Variants in FGGY observed in about 807,000 individuals in gnomAD.
FGGY encodes FGGY carbohydrate kinase domain containing, also known as FGGY carbohydrate kinase domain-containing protein.
A neutral mutation model predicts 71.3 loss-of-function variants in FGGY; 72 were observed. The ratio of observed to expected loss-of-function variants is 1.01; its 90% CI spans 0.84 to 1.23. The LOEUF is 1.23. Ranked by LOEUF, FGGY falls within the 50% of genes most tolerant of loss-of-function variation. The pLI is 0.00. For missense variants in FGGY, 668 were observed against 682.3 expected (o/e 0.98, Z 0.23); for synonymous variants, 251 against 250.3 (o/e 1.00, Z -0.02).
At chr1:59,379,811 T>C (rs2059163099) in intron 5 of FGGY, among the ~76,000 whole-genome samples, 1 of 152,140 alleles carries the variant, frequency 6.6e-6, no homozygotes, top group Non-Finnish European at 1.5e-5. Context: ...TCTTTTTTTT[T>C]CATTATACTT....
At chr1:59,584,612 G>C (rs1473108567) in intron 8 of FGGY, among the ~76,000 whole-genome samples, 4 of 149,944 alleles carry the variant, frequency 2.7e-5, no homozygotes, top group South Asian at 2.1e-4. Context: ...ACTGGCACAA[G>C]ACAAGGATGC....
intron 5 of FGGY, among the ~76,000 whole-genome samples, chr1:59,434,823 G>C (rs2068081060): frequency 6.6e-6 from 1 of 152,110 alleles, no homozygotes; most frequent in African/African-American, 2.4e-5. Flanking sequence ...TGAGGATTAG[G>C]TTTCAACACA....
chr1:59,749,286 T>G (rs556874924), intron 14 of FGGY, among the ~76,000 whole-genome samples: 1 of 151,734 alleles, frequency 6.6e-6, no homozygotes, highest in East Asian at 1.9e-4. Context: ...GGGGGTGGAG[T>G]TTGTGGAAAC....
intron 3 of FGGY, 58 bp downstream of exon 3, chr1:59,340,127 G>A (rs2050369065): frequency 8.2e-7 from 1 of 1,216,186 alleles, no homozygotes; most frequent in Non-Finnish European, 1.2e-6. Flanking sequence ...TTAATCCAAT[G>A]GGCCCAGGTG....
chr1:59,506,163 T>C (rs2153618098), intron 6 of FGGY, among the ~76,000 whole-genome samples: 1 of 152,274 alleles, frequency 6.6e-6, no homozygotes, highest in Admixed American at 6.5e-5. Flanking sequence ...TTCTCCTTTA[T>C]TTTGTTTTTA....
At chr1:59,702,443 T>C (rs1352257132) in intron 14 of FGGY, among the ~76,000 whole-genome samples, 2 of 152,136 alleles carry the variant, frequency 1.3e-5, no homozygotes, top group African/African-American at 4.8e-5. Flanking sequence ...CATCTTATTG[T>C]AGGGATGGCT....
Position 59,576,784 on chromosome 1 carries a change from C to A in FGGY, c.903+22557C>A, listed in dbSNP as rs141662084. On this transcript the variant is annotated intron_variant, in intron 8 of 15. Transcript: ENST00000303721. ...CAAATAGCAGCCCATGTTTTAATAA[C>A]CCTAAGAATTATTTTATATGATAGT... Among the ~76,000 whole-genome samples the A allele has an allele frequency of 1.1e-3, 162 of 151,804 alleles. 2 individuals carry two copies. Among genetic ancestry groups the A allele is most frequent in the African/African-American group, 3.7e-3 (154 of 41,398 alleles).
intron 8 of FGGY, among the ~76,000 whole-genome samples, chr1:59,590,802 G>C (rs982936707): frequency 5.3e-5 from 8 of 152,062 alleles, no homozygotes; most frequent in Admixed American, 2.6e-4. Context: ...AATAATAAGA[G>C]CTATCTATGA....
intron 6 of FGGY, among the ~76,000 whole-genome samples, chr1:59,490,281 C>T (rs1325564556): frequency 6.6e-6 from 1 of 152,160 alleles, no homozygotes; most frequent in Non-Finnish European, 1.5e-5. Context: ...AACTCCTGGC[C>T]TCAAGCAATC....
At chr1:59,517,254 CTTTTTTTTT>C in intron 7 of FGGY, among the ~76,000 whole-genome samples, 1 of 87,656 alleles carries the variant, frequency 1.1e-5, no homozygotes, top group Middle Eastern at 6.0e-3. Context: ...CTCAGTTGCT[CTTTTTTTTT>C]TTTTTTTTTT....
At chr1:59,629,426 G>T (rs182009295) in intron 10 of FGGY, among the ~76,000 whole-genome samples, 10 of 152,106 alleles carry the variant, frequency 6.6e-5, no homozygotes. Flanking sequence ...AGCTTCATAG[G>T]CATTCCCTTC....
chr1:59,456,446 CTTT>C (rs554474364), intron 5 of FGGY, among the ~76,000 whole-genome samples: 6 of 133,054 alleles, frequency 4.5e-5, no homozygotes, highest in South Asian at 2.4e-4. Context: ...AGGACTGAAA[CTTT>C]TTTTTTTTTT....
At chr1:59,299,859 G>C (rs1240685959) in intron 1 of FGGY, among the ~76,000 whole-genome samples, 5 of 152,188 alleles carry the variant, frequency 3.3e-5, no homozygotes, top group Non-Finnish European at 7.4e-5. Context: ...TGGCAGAGCA[G>C]GAAATCGGAA....
At chr1:59,595,896 C>T (rs970892513) in intron 8 of FGGY, among the ~76,000 whole-genome samples, 1 of 152,158 alleles carries the variant, frequency 6.6e-6, no homozygotes, top group Non-Finnish European at 1.5e-5. Flanking sequence ...GCCTGCTTCA[C>T]ATCGAAGGCA....
intron 4 of FGGY, among the ~76,000 whole-genome samples, chr1:59,370,077 G>A (rs945318442): frequency 1.3e-5 from 2 of 152,198 alleles, no homozygotes; most frequent in African/African-American, 2.4e-5. Context: ...TGACTTTGAC[G>A]AGTTGAGAGA....
intron 6 of FGGY, among the ~76,000 whole-genome samples, chr1:59,508,320 A>T (rs1278032634): frequency 6.6e-6 from 1 of 152,230 alleles, no homozygotes; most frequent in Non-Finnish European, 1.5e-5. Context: ...CACATGGTAG[A>T]TGGAAATCTA....
At chr1:59,531,228 T>A (rs963779706) in intron 7 of FGGY, among the ~76,000 whole-genome samples, 2 of 152,338 alleles carry the variant, frequency 1.3e-5, no homozygotes, top group East Asian at 3.9e-4. Context: ...TAAACCTCAC[T>A]TTTTTATATA....
In FGGY at chr1:59,456,987, G is replaced by A. The variant is rs746626662; in HGVS notation, c.581G>A (p.Trp194Ter). 6.2e-7 allele frequency: 1 copy of A among 1,613,702 alleles called. No individual in the cohort carries two copies. The highest frequency in any genetic ancestry group is 1.3e-5 in the African/African-American group (1 of 74,876). Residue 194 changes from tryptophan to a stop codon, truncating the protein, a stop_gained, in exon 6 of 16, where the codon TGG becomes TAG. Transcript: ENST00000303721. LOFTEE classifies it high-confidence loss of function. ...ARSLCSLVCK[W>*]TYSAEKGWDD... Reference sequence around the variant, plus strand: ...TCTCTCTGCTCCCTGGTGTGTAAGTGGACATATTCAGCAGAGAAAGGCTGG... The same window carrying A: ...TCTCTCTGCTCCCTGGTGTGTAAGTAGACATATTCAGCAGAGAAAGGCTGG...
chr1:59,742,014 G>T (rs2098154015), intron 14 of FGGY, among the ~76,000 whole-genome samples: 1 of 151,332 alleles, frequency 6.6e-6, no homozygotes. Flanking sequence ...TGAGGCCAGA[G>T]AATCAGTTTA....
Sources: allele counts gnomAD v4.1 joint callset (sites outside exome capture counted in the v4.1 genomes callset), GRCh38; gene constraint gnomAD v4.1.1; transcripts MANE v1.5; gene names NCBI Gene and HGNC (gene_info 2026-07-23, HGNC 2026-07-21).